The following RTN1 variants were observed in gnomAD, a reference collection of about 807,000 sequenced individuals.
RTN1 encodes the protein reticulon-1.
A neutral mutation model predicts 65.5 loss-of-function variants in RTN1; 25 were observed. That is an observed-to-expected ratio of 0.38 (90% CI 0.28 to 0.53). The LOEUF (loss-of-function observed/expected upper bound fraction) is 0.53, where lower values mean the gene tolerates loss of function less well. Among genes scored for constraint, RTN1 ranks in the 20% least tolerant of loss-of-function variants. RTN1 has a pLI of 0.79. For synonymous variants in RTN1, 471 were observed against 447.6 expected (o/e 1.05, Z -0.66); for missense variants, 983 against 1,025.4 (o/e 0.96, Z 0.57).
At chr14:59,607,752 G>A (rs75127512) in intron 3 of RTN1, 6,455 of 484,034 alleles carry the variant, frequency 0.013, 344 homozygotes, top group African/African-American at 0.11. Context: ...TGACCATATC[G>A]CGATGGGTGT....
intron 3 of RTN1, chr14:59,630,578 G>A (rs1882522653): frequency 1.2e-6 from 2 of 1,600,600 alleles, no homozygotes; most frequent in Non-Finnish European, 1.7e-6. Context: ...TTGGTGCCCG[G>A]CTGCTGCGGC....
chr14:59,780,218 G>A (rs74061312), intron 1 of RTN1, among the ~76,000 whole-genome samples: 11 of 152,118 alleles, frequency 7.2e-5, no homozygotes, highest in Admixed American at 2.0e-4. Flanking sequence ...ACATATTTTC[G>A]GTGCCACAAA....
At chr14:59,613,130 C>T (rs1882005336) in intron 3 of RTN1, among the ~76,000 whole-genome samples, 1 of 152,100 alleles carries the variant, frequency 6.6e-6, no homozygotes, top group Non-Finnish European at 1.5e-5. Context: ...GTTTACCATG[C>T]CTTTGAAGCA....
chr14:59,666,191 G>T (rs920917518), intron 3 of RTN1, among the ~76,000 whole-genome samples: 1 of 152,140 alleles, frequency 6.6e-6, no homozygotes, highest in Admixed American at 6.5e-5. Context: ...ATAATTGGAA[G>T]TAATGCACTC....
intron 1 of RTN1, 98 bp from the exon 2 acceptor site, chr14:59,746,579 C>T: frequency 9.6e-7 from 1 of 1,045,216 alleles, no homozygotes; most frequent in Admixed American, 2.5e-5. Flanking sequence ...GAAGACATGA[C>T]ATCCTTTCTC....
chr14:59,785,314 T>C (rs1886232118), intron 1 of RTN1, among the ~76,000 whole-genome samples: 3 of 152,250 alleles, frequency 2.0e-5, no homozygotes, highest in African/African-American at 4.8e-5. Context: ...TCCTGCGTCA[T>C]TGATTTTTAA....
chr14:59,841,171 C>T (rs559688784), intron 1 of RTN1, among the ~76,000 whole-genome samples: 1 of 152,046 alleles, frequency 6.6e-6, no homozygotes, highest in African/African-American at 2.4e-5. Context: ...GTTAGCCATG[C>T]AACAATCATT....
chr14:59,870,619 C>G lies in RTN1; in HGVS notation c.12G>C (p.Pro4=). The G allele has an allele frequency of 1.4e-6, 2 of 1,420,458 alleles. No individual in the cohort carries two copies. Among genetic ancestry groups the G allele is most frequent in the Non-Finnish European group, 1.8e-6 (2 of 1,091,424 alleles). The allele number at this position is 1,420,458 out of a possible 1,614,324, so 88.0% of individuals were successfully genotyped here. A position where few individuals can be genotyped will look rare whatever the true frequency, so the allele number is the denominator to read the frequency against. MAA[P]GDPQDELLPL... is the part of the protein sequence containing the mutation. ...GCAGCAGCTCGTCCTGCGGATCCCCCGGCGCGGCCATGGCTGGCGGTCCCC... is the reference window on the plus strand; with the variant it reads ...GCAGCAGCTCGTCCTGCGGATCCCCGGGCGCGGCCATGGCTGGCGGTCCCC... Residue 4 remains proline (P), a synonymous_variant, in exon 1 of 9, where the codon CCG becomes CCC. Transcript: ENST00000267484. The surrounding 1 kb of genome is among the most constrained non-coding windows in gnomAD (Gnocchi z 5.1).
chr14:59,721,744 A>G (rs1490323864), intron 3 of RTN1, among the ~76,000 whole-genome samples: 1 of 152,230 alleles, frequency 6.6e-6, no homozygotes, highest in African/African-American at 2.4e-5. Context: ...TCAAATAGTA[A>G]GAACACTCTG....
At chr14:59,692,092 CAAAA>C (rs1883973970) in intron 3 of RTN1, among the ~76,000 whole-genome samples, 1 of 152,010 alleles carries the variant, frequency 6.6e-6, no homozygotes, top group Non-Finnish European at 1.5e-5. Context: ...AGCAAACAGA[CAAAA>C]GAAAGAAATA....
At chr14:59,628,155 T>C (rs892453688) in intron 3 of RTN1, among the ~76,000 whole-genome samples, 6 of 152,118 alleles carry the variant, frequency 3.9e-5, no homozygotes, top group African/African-American at 1.2e-4. Flanking sequence ...GGCAACATAG[T>C]GAGACAACGT....
chr14:59,840,034 A>T (rs933735282), intron 1 of RTN1, among the ~76,000 whole-genome samples: 19 of 151,598 alleles, frequency 1.3e-4, no homozygotes, highest in Admixed American at 1.1e-3. Flanking sequence ...TTCCAGACTC[A>T]CTTTCTTACT....
chr14:59,662,575 G>A (rs1883274705), intron 3 of RTN1, among the ~76,000 whole-genome samples: 1 of 151,936 alleles, frequency 6.6e-6, no homozygotes. Flanking sequence ...GGACATTTCG[G>A]TTGGTTCCAG....
At chr14:59,784,597 C>T (rs1886219473) in intron 1 of RTN1, among the ~76,000 whole-genome samples, 1 of 152,152 alleles carries the variant, frequency 6.6e-6, no homozygotes, top group Admixed American at 6.5e-5. Flanking sequence ...TACTTTAATA[C>T]TGTTGGAAAA....
At position 59,746,417 on chromosome 14, in the gene RTN1, T is replaced by A. The variant is rs1395483896; in HGVS notation, c.306A>T (p.Gly102=). ...TFSTTSKDGE[G]SCYTSLISDI... ...CAGAAATGAGAGATGTGTAACACGA[T>A]CCTTCCCCATCTTTTGATGTTGTTG... The change falls in exon 2 of 9, where the codon GGA becomes GGT. Residue 102 remains glycine, a synonymous_variant. Coordinates refer to ENST00000267484, the MANE Select transcript of RTN1 (RefSeq NM_021136.3). 6.2e-7 allele frequency: 1 copy of A among 1,613,008 alleles called. No homozygotes were observed. The highest frequency in any genetic ancestry group is 8.5e-7 in the Non-Finnish European group (1 of 1,179,456).
intron 1 of RTN1, among the ~76,000 whole-genome samples, chr14:59,838,427 CA>C (rs769208255): frequency 2.5e-4 from 38 of 152,038 alleles, no homozygotes; most frequent in Non-Finnish European, 2.5e-4. Flanking sequence ...TGTTCAGTAT[CA>C]GGGGGTATTA....
At chr14:59,699,490 A>G (rs1156332502) in intron 3 of RTN1, among the ~76,000 whole-genome samples, 2 of 152,150 alleles carry the variant, frequency 1.3e-5, no homozygotes, top group Non-Finnish European at 2.9e-5. Flanking sequence ...TGTATAAACA[A>G]ATGGCATAAT....
chr14:59,749,320 C>A lies in RTN1; in HGVS notation c.242-2839G>T, dbSNP rs370262997. 1.5e-3 allele frequency among the ~76,000 whole-genome samples: 26 copies of A among 17,750 alleles called. 4 individuals are homozygous for A. The highest frequency in any genetic ancestry group is 8.3e-3 in the East Asian group (5 of 606). 11.6% of individuals were successfully genotyped at this position (17,750 alleles called of 152,430 possible). A position where few individuals can be genotyped will look rare whatever the true frequency, so the allele number is the denominator to read the frequency against. ...TATCTATATATATCTATATATATAT[C>A]TATATATCTATATATATCTATATAT... On this transcript the variant is annotated intron_variant, in intron 1 of 8. Coordinates refer to ENST00000267484, the MANE Select transcript of RTN1 (RefSeq NM_021136.3).
intron 2 of RTN1, among the ~76,000 whole-genome samples, chr14:59,741,329 C>T (rs977511779): frequency 7.9e-5 from 12 of 152,190 alleles, no homozygotes; most frequent in African/African-American, 2.7e-4. Flanking sequence ...GCTGTTACCT[C>T]GAAGAAGCCT....
Sources: allele counts gnomAD v4.1 joint callset (sites outside exome capture counted in the v4.1 genomes callset), GRCh38; gene constraint gnomAD v4.1.1; non-coding constraint Gnocchi (gnomAD v3.1); transcripts MANE v1.5; gene names NCBI Gene and HGNC (gene_info 2026-07-23, HGNC 2026-07-21).